Variants in SLC30A8 observed in about 807,000 individuals in gnomAD.
SLC30A8 encodes the protein proton-coupled zinc antiporter SLC30A8.
A neutral mutation model predicts 36.9 loss-of-function variants in SLC30A8; 27 were observed. The observed-to-expected ratio is 0.73, with a 90% confidence interval of 0.54 to 1.01. The LOEUF (loss-of-function observed/expected upper bound fraction) is 1.01, where lower values mean the gene tolerates loss of function less well. Among genes scored for constraint, SLC30A8 ranks in the 50% least tolerant of loss-of-function variants. SLC30A8 has a pLI of 0.00. For synonymous variants in SLC30A8, 164 were observed against 172.4 expected (o/e 0.95, Z 0.38); for missense variants, 439 against 452.0 (o/e 0.97, Z 0.26).
intron 1 of SLC30A8, among the ~76,000 whole-genome samples, chr8:116,971,537 A>G (rs575827908): frequency 2.0e-5 from 3 of 152,220 alleles, no homozygotes; most frequent in South Asian, 4.1e-4. Flanking sequence ...TTTGTTTCCT[A>G]TCTTTGAGAC....
At chr8:117,152,069 G>A (rs1039760163) in intron 2 of SLC30A8, among the ~76,000 whole-genome samples, 1 of 152,156 alleles carries the variant, frequency 6.6e-6, no homozygotes, top group East Asian at 1.9e-4. Context: ...GGGGCTGATG[G>A]CTGACAGTCT....
chr8:117,121,344 T>C (rs1364338789), intron 2 of SLC30A8, among the ~76,000 whole-genome samples: 1 of 151,910 alleles, frequency 6.6e-6, no homozygotes, highest in Non-Finnish European at 1.5e-5. Flanking sequence ...TCTTAGTCCA[T>C]TCAGACTAAT....
intron 4 of SLC30A8, among the ~76,000 whole-genome samples, chr8:117,159,972 A>G (rs1178990324): frequency 1.3e-5 from 2 of 152,228 alleles, no homozygotes; most frequent in Admixed American, 6.5e-5. Flanking sequence ...CAGAAAGTCA[A>G]GGCAGTTGGA....
At chr8:117,100,228 A>T (rs906539777) in intron 2 of SLC30A8, among the ~76,000 whole-genome samples, 1 of 152,170 alleles carries the variant, frequency 6.6e-6, no homozygotes, top group Non-Finnish European at 1.5e-5. Context: ...ATTTTAGTGG[A>T]TGGGTATTAT....
At chr8:117,091,737 A>AAT (rs1384123649) in intron 2 of SLC30A8, among the ~76,000 whole-genome samples, 1 of 152,210 alleles carries the variant, frequency 6.6e-6, no homozygotes, top group Non-Finnish European at 1.5e-5. Context: ...TTCTAGCCAC[A>AAT]ATATATATGT....
chr8:117,025,878 A>G (rs1405607921), intron 1 of SLC30A8, among the ~76,000 whole-genome samples: 1 of 152,210 alleles, frequency 6.6e-6, no homozygotes, highest in African/African-American at 2.4e-5. Context: ...ATGGCATTTA[A>G]TGGTCTCAGG....
At chr8:117,113,550 G>A (rs1001900238) in intron 2 of SLC30A8, among the ~76,000 whole-genome samples, 1 of 152,094 alleles carries the variant, frequency 6.6e-6, no homozygotes, top group Non-Finnish European at 1.5e-5. Context: ...GCATTGCCCA[G>A]GAACTGGAAT....
chr8:117,168,557 A>C (rs916693701), intron 6 of SLC30A8, among the ~76,000 whole-genome samples: 8 of 152,270 alleles, frequency 5.3e-5, no homozygotes, highest in African/African-American at 1.4e-4. Flanking sequence ...CAGTGGGGCC[A>C]TGCCTCTTGC....
chr8:117,119,101 T>G (rs1320507491), intron 2 of SLC30A8, among the ~76,000 whole-genome samples: 2 of 151,954 alleles, frequency 1.3e-5, no homozygotes, highest in Non-Finnish European at 2.9e-5. Flanking sequence ...TTTGATTACC[T>G]GTATCAGAAA....
chr8:117,135,636 C>T lies in SLC30A8; in HGVS notation c.71+238C>T, dbSNP rs116263396. Among the ~76,000 whole-genome samples, 985 of 152,044 alleles carry T rather than the reference C, an allele frequency of 6.5e-3. 12 individuals are homozygous for T. The highest frequency in any genetic ancestry group is 0.023 in the African/African-American group (937 of 41,516). ...GAACACATTTTACTGATGTGTTTTTCATCTGTCATGTTTATTCCAGAAAAT... is the reference window on the plus strand; with the variant it reads ...GAACACATTTTACTGATGTGTTTTTTATCTGTCATGTTTATTCCAGAAAAT... On this transcript the variant is annotated intron_variant, in intron 1 of 7. Transcript: ENST00000456015.
chr8:117,105,936 A>C (rs568925308), intron 2 of SLC30A8, among the ~76,000 whole-genome samples: 1 of 152,326 alleles, frequency 6.6e-6, no homozygotes, highest in South Asian at 2.1e-4. Context: ...ATACATAGCT[A>C]TCCAGGTCTA....
chr8:116,982,996 G>A (rs992980326), intron 1 of SLC30A8, among the ~76,000 whole-genome samples: 94 of 152,100 alleles, frequency 6.2e-4, no homozygotes, highest in African/African-American at 1.8e-3. Flanking sequence ...ATACTCTGTC[G>A]TATATCATTA....
intron 2 of SLC30A8, among the ~76,000 whole-genome samples, chr8:117,113,578 A>G (rs537917174): frequency 2.3e-4 from 35 of 152,212 alleles, no homozygotes; most frequent in Admixed American, 1.2e-3. Flanking sequence ...TGATTTAACA[A>G]TTGCCTGCAT....
chr8:117,107,644 A>G (rs1384467059), intron 2 of SLC30A8, among the ~76,000 whole-genome samples: 1 of 152,284 alleles, frequency 6.6e-6, no homozygotes, highest in East Asian at 1.9e-4. Flanking sequence ...TCCAAGTTCT[A>G]TCATTCCTAT....
chr8:116,995,982 C>T (rs2938863), intron 1 of SLC30A8, among the ~76,000 whole-genome samples: 55,411 of 151,976 alleles, frequency 0.36, 10,994 homozygotes, highest in South Asian at 0.49. Context: ...CTGTAAAATC[C>T]CCGGTAAGCC....
chr8:117,123,859 G>A (rs1820790537), intron 2 of SLC30A8, among the ~76,000 whole-genome samples: 1 of 151,922 alleles, frequency 6.6e-6, no homozygotes, highest in Non-Finnish European at 1.5e-5. Flanking sequence ...GAAGATTTTG[G>A]AAACTATTGA....
chr8:117,118,908 G>T (rs1196697598), intron 2 of SLC30A8, among the ~76,000 whole-genome samples: 3 of 151,916 alleles, frequency 2.0e-5, no homozygotes, highest in African/African-American at 7.2e-5. Context: ...AAACAATTCA[G>T]TTAACATCGA....
rs1291787611 is a variant in SLC30A8 at position 117,147,160 on chromosome 8, C to G, written c.271+7C>G. The G allele has an allele frequency of 6.2e-7, 1 of 1,612,190 alleles. No individual in the cohort carries two copies. The highest frequency in any genetic ancestry group is 8.5e-7 in the Non-Finnish European group (1 of 1,179,222). On this transcript the variant is annotated splice_region_variant and intron_variant, in intron 2 of 7. Transcript: ENST00000456015. Reference sequence around the variant, plus strand: ...ATGATTGCAGAGGTCGTGGGTGAGTCTTTCTGCAGACTTTTTTCATTAAAC... The same window carrying G: ...ATGATTGCAGAGGTCGTGGGTGAGTGTTTCTGCAGACTTTTTTCATTAAAC...
intron 1 of SLC30A8, among the ~76,000 whole-genome samples, chr8:117,006,017 A>G (rs1352755354): frequency 6.6e-6 from 1 of 152,216 alleles, no homozygotes; most frequent in African/African-American, 2.4e-5. Context: ...AGGTGGTTGG[A>G]CCAGCAGTCA....
Sources: allele counts gnomAD v4.1 joint callset (sites outside exome capture counted in the v4.1 genomes callset), GRCh38; gene constraint gnomAD v4.1.1; transcripts MANE v1.5; gene names NCBI Gene and HGNC (gene_info 2026-07-23, HGNC 2026-07-21).